SEMA3A: variants seen among roughly 807,000 people sequenced by gnomAD.
The protein encoded by SEMA3A is semaphorin 3A.
In SEMA3A, 29 loss-of-function variants were observed where a neutral mutation model predicts 97.9. The observed-to-expected ratio is 0.30, with a 90% CI of 0.22 to 0.40. The LOEUF (loss-of-function observed/expected upper bound fraction) is 0.40. SEMA3A is among the 10% of genes least tolerant of loss of function. The pLI, the probability that SEMA3A is intolerant of heterozygous loss-of-function variation, is 1.00. For missense variants in SEMA3A, 763 were observed against 951.3 expected (o/e 0.80, Z 2.60); for synonymous variants, 321 against 323.7 (o/e 0.99, Z 0.09).
At chr7:84,149,890 T>C (rs1438093651) in intron 1 of SEMA3A, among the ~76,000 whole-genome samples, 3 of 152,212 alleles carry the variant, frequency 2.0e-5, no homozygotes, top group African/African-American at 7.2e-5. Flanking sequence ...GGAAGTGTTA[T>C]TGCTATTAAA....
intron 4 of SEMA3A, among the ~76,000 whole-genome samples, chr7:84,065,722 A>G (rs1490590208): frequency 6.6e-6 from 1 of 152,182 alleles, no homozygotes; most frequent in East Asian, 1.9e-4. Context: ...TAAACCAGGA[A>G]GAAGTTGAAT....
intron 6 of SEMA3A, among the ~76,000 whole-genome samples, chr7:84,016,974 AC>A (rs1339004323): frequency 2.8e-4 from 43 of 152,308 alleles, no homozygotes; most frequent in African/African-American, 1.0e-3. Flanking sequence ...AGTTGTTCAT[AC>A]AAACACTTGA....
chr7:84,346,532 T>C (rs1362438677), intron 2 of SEMA3A, among the ~76,000 whole-genome samples: 1 of 152,188 alleles, frequency 6.6e-6, no homozygotes. Flanking sequence ...ATTGGCCTAA[T>C]ATCAATACTG....
intron 1 of SEMA3A, among the ~76,000 whole-genome samples, chr7:84,445,290 G>A (rs961393712): frequency 4.0e-5 from 6 of 151,282 alleles, no homozygotes; most frequent in Non-Finnish European, 5.9e-5. Flanking sequence ...AGGAGATCAA[G>A]GCCATCCTGG....
At chr7:84,333,672 T>C (rs968014327) in intron 2 of SEMA3A, among the ~76,000 whole-genome samples, 1 of 152,160 alleles carries the variant, frequency 6.6e-6, no homozygotes, top group Non-Finnish European at 1.5e-5. Flanking sequence ...TTTTGAAATA[T>C]TTTAAGGAAG....
intron 3 of SEMA3A, among the ~76,000 whole-genome samples, chr7:84,218,815 A>G (rs961605616): frequency 2.6e-5 from 4 of 152,040 alleles, no homozygotes; most frequent in African/African-American, 9.7e-5. Flanking sequence ...GAAGACATAC[A>G]ATATTCTATA....
At chr7:84,081,518 G>A (rs575374811) in intron 4 of SEMA3A, among the ~76,000 whole-genome samples, 287 of 151,354 alleles carry the variant, frequency 1.9e-3, no homozygotes, top group African/African-American at 6.3e-3. Context: ...GCGTGAACCC[G>A]GGAGGCGGAG....
At chr7:83,988,770 A>G (rs1228579180) in intron 12 of SEMA3A, among the ~76,000 whole-genome samples, 1 of 152,050 alleles carries the variant, frequency 6.6e-6, no homozygotes, top group Non-Finnish European at 1.5e-5. Context: ...AGGAATGTCT[A>G]TCAACTTTTT....
chr7:84,410,486 A>G (rs1055750026), intron 1 of SEMA3A, among the ~76,000 whole-genome samples: 2 of 152,154 alleles, frequency 1.3e-5, no homozygotes, highest in African/African-American at 4.8e-5. Flanking sequence ...GTAAAGAAGA[A>G]AATTACTTAT....
At chr7:84,387,580 G>T (rs1382293153) in intron 1 of SEMA3A, among the ~76,000 whole-genome samples, 1 of 151,994 alleles carries the variant, frequency 6.6e-6, no homozygotes, top group Non-Finnish European at 1.5e-5. Flanking sequence ...TTTAATACTT[G>T]GCAATAAGAT....
At chr7:84,082,658 G>C (rs995334687) in intron 4 of SEMA3A, among the ~76,000 whole-genome samples, 4 of 152,060 alleles carry the variant, frequency 2.6e-5, no homozygotes, top group Admixed American at 1.3e-4. Context: ...CTTTTAAAGG[G>C]TTGATTAAGA....
chr7:84,385,585 T>C (rs17158998), intron 1 of SEMA3A, among the ~76,000 whole-genome samples: 6,902 of 151,772 alleles, frequency 0.045, 363 homozygotes, highest in East Asian at 0.19. Flanking sequence ...TCCATCTCTA[T>C]TCTTTTATTC....
In SEMA3A at chr7:83,992,811, A is replaced by C. The variant is rs1212690367; in HGVS notation, c.1453-7334T>G. Among the ~76,000 whole-genome samples, 4 of 151,882 alleles carry C rather than the reference A, an allele frequency of 2.6e-5. No homozygotes were observed. The East Asian group carries it at 5.8e-4, about 22-fold the overall frequency. ...TATATTCTGTTGATTTGGGGTGGAG[A>C]GTTCTGTAGATGTCTATTAGGTCCG... On this transcript the variant is annotated intron_variant, in intron 12 of 16. Transcript: ENST00000265362.
intron 14 of SEMA3A, among the ~76,000 whole-genome samples, chr7:83,977,523 C>T (rs913898177): frequency 9.9e-5 from 15 of 151,852 alleles, no homozygotes; most frequent in African/African-American, 3.6e-4. Flanking sequence ...TGTCTAGAAA[C>T]TCAAGGCCTA....
chr7:84,424,928 T>C (rs1338406539), intron 1 of SEMA3A, among the ~76,000 whole-genome samples: 4 of 98,858 alleles, frequency 4.0e-5, no homozygotes, highest in Non-Finnish European at 6.9e-5. Flanking sequence ...TATATATTTA[T>C]ATTTATATAA....
intron 12 of SEMA3A, among the ~76,000 whole-genome samples, chr7:83,996,536 C>T (rs191634289): frequency 9.9e-5 from 15 of 151,986 alleles, no homozygotes; most frequent in African/African-American, 3.1e-4. Flanking sequence ...CTCCTGACTT[C>T]GTGATCCACC....
chr7:84,260,278 T>C (rs1168617351), intron 3 of SEMA3A, among the ~76,000 whole-genome samples: 1 of 152,220 alleles, frequency 6.6e-6, no homozygotes, highest in African/African-American at 2.4e-5. Flanking sequence ...ATAATAGGTA[T>C]ACTACTGATG....
rs184604091 is a variant in SEMA3A, at chr7:84,002,036, G to A, written c.1371C>T (p.Thr457=). 45 of 1,603,432 alleles carry A rather than the reference G, an allele frequency of 2.8e-5. No individual in the cohort carries two copies. The highest frequency in any genetic ancestry group is 1.9e-4 in the Admixed American group (11 of 59,260). ...DVMFIGTDVG[T]VLKVVSIPKE... ...TAGGAATTGAAACTACTTTAAGAAC[G>A]GTCCCAACATCTTTGAAAGAAAGTG... is the stretch of plus-strand genomic sequence containing the variant. Residue 457 remains threonine, a synonymous_variant, in exon 12 of 17, where the codon ACC becomes ACT. Coordinates refer to ENST00000265362, the MANE Select transcript of SEMA3A (RefSeq NM_006080.3).
chr7:84,064,281 G>C (rs1279807137), intron 4 of SEMA3A, among the ~76,000 whole-genome samples: 2 of 152,004 alleles, frequency 1.3e-5, no homozygotes, highest in Non-Finnish European at 2.9e-5. Context: ...ACTAAACATG[G>C]AAAGGAACAA....
Sources: allele counts gnomAD v4.1 joint callset (sites outside exome capture counted in the v4.1 genomes callset), GRCh38; gene constraint gnomAD v4.1.1; transcripts MANE v1.5; gene names NCBI Gene and HGNC (gene_info 2026-07-23, HGNC 2026-07-21).